SMARCA2: variants seen among roughly 807,000 people sequenced by gnomAD.
The protein encoded by SMARCA2 is SWI/SNF related BAF chromatin remodeling complex subunit ATPase 2, also known as SWI/SNF-related matrix-associated actin-dependent regulator of chromatin subfamily A member 2.
In SMARCA2, 61 loss-of-function variants were observed where a neutral mutation model predicts 199.8. The ratio of observed to expected loss-of-function variants is 0.31; its 90% CI spans 0.25 to 0.38. The LOEUF is 0.38. SMARCA2 is among the 10% of genes least tolerant of loss of function. SMARCA2 has a pLI of 1.00. For synonymous variants in SMARCA2, 935 were observed against 732.0 expected, an observed-to-expected ratio of 1.28 and a Z score of -4.48; for missense variants, 1,344 against 2,012.2, an observed-to-expected ratio of 0.67 and a Z score of 6.35.
chr9:2,167,917 A>AGT (rs1826015769), intron 28 of SMARCA2, among the ~76,000 whole-genome samples: 2 of 152,150 alleles, frequency 1.3e-5, no homozygotes, highest in Non-Finnish European at 1.5e-5. Flanking sequence ...AATTCAGGGA[A>AGT]GTAGGGGTCG....
At position 2,193,413 on chromosome 9, in the gene SMARCA2, A is replaced by G. The variant is rs954236950; in HGVS notation, c.*674A>G. ...AAAGCGCTATTGAATATTGCAATCT[A>G]TATAGTGTATTGGATGGCTTCTTTT... On this transcript the variant is annotated 3_prime_UTR_variant, in exon 34 of 34. Coordinates refer to ENST00000349721, the MANE Select transcript of SMARCA2 (RefSeq NM_003070.5). 1.3e-5 allele frequency: 2 copies of G among 152,648 alleles called. No individual in the cohort carries two copies. The highest frequency in any genetic ancestry group is 4.8e-5 in the African/African-American group (2 of 41,458). 9.5% of individuals were successfully genotyped at this position (152,648 alleles called of 1,614,324 possible).
At chr9:2,182,654 C>G (rs1166952548) in intron 31 of SMARCA2, among the ~76,000 whole-genome samples, 2 of 151,848 alleles carry the variant, frequency 1.3e-5, no homozygotes, top group African/African-American at 4.8e-5. Flanking sequence ...ACCACCATGC[C>G]TGGCTGATTT....
At chr9:2,076,417 C>A in intron 13 of SMARCA2, 88 bp downstream of exon 13, 1 of 820,816 alleles carries the variant, frequency 1.2e-6, no homozygotes, top group Non-Finnish European at 2.1e-6. Context: ...TCAAGGAAGG[C>A]AACTAACTTC....
At chr9:2,079,984 G>A (rs189167959) in intron 14 of SMARCA2, 2 of 152,336 alleles carry the variant, frequency 1.3e-5, no homozygotes, top group Non-Finnish European at 2.9e-5. Context: ...GCCTTGCAGT[G>A]TCTCTCTGGA....
chr9:2,193,388 A>G lies in SMARCA2; in HGVS notation c.*649A>G, dbSNP rs1308827687. 6.5e-6 allele frequency: 1 copy of G among 152,702 alleles called. No homozygotes were observed. The highest frequency in any genetic ancestry group is 1.5e-5 in the Non-Finnish European group (1 of 68,072). The allele number at this position is 152,702 out of a possible 1,614,324, so 9.5% of individuals were successfully genotyped here. A position where few individuals can be genotyped will look rare whatever the true frequency, so the allele number is the denominator to read the frequency against. On this transcript the variant is annotated 3_prime_UTR_variant, in exon 34 of 34. Transcript: ENST00000349721. Reference sequence around the variant, plus strand: ...CTTGATTTAAAAAAAAGTTTTGTTGAAAGCGCTATTGAATATTGCAATCTA... The same window carrying G: ...CTTGATTTAAAAAAAAGTTTTGTTGGAAGCGCTATTGAATATTGCAATCTA...
chr9:2,169,516 C>G lies in SMARCA2; in HGVS notation c.4200-903C>G, dbSNP rs1240926988. Among the ~76,000 whole-genome samples the G allele has an allele frequency of 6.6e-6, 1 of 152,182 alleles. No homozygotes were observed. Among genetic ancestry groups the G allele is most frequent in the Non-Finnish European group, 1.5e-5 (1 of 68,032 alleles). ...AGCGAGCACATGCGCTTCCACCCCT[C>G]TGTTGATTTGTTTATGGGTTTATGC... On this transcript the variant is annotated intron_variant, in intron 28 of 33. Coordinates refer to ENST00000349721, the MANE Select transcript of SMARCA2 (RefSeq NM_003070.5). The surrounding 1 kb of genome is among the most constrained non-coding windows in gnomAD (Gnocchi z 6.5).
At chr9:2,049,709 T>A (rs1820034479) in intron 5 of SMARCA2, among the ~76,000 whole-genome samples, 1 of 152,230 alleles carries the variant, frequency 6.6e-6, no homozygotes, top group South Asian at 2.1e-4. Context: ...CTCTTCTGCC[T>A]ATTTGAAGGT....
chr9:2,190,832 T>TTAAG (rs1827827694), intron 32 of SMARCA2, among the ~76,000 whole-genome samples: 1 of 152,256 alleles, frequency 6.6e-6, no homozygotes, highest in African/African-American at 2.4e-5. Flanking sequence ...AATTTTCTTT[T>TTAAG]TAAGTCAATG....
At chr9:2,134,597 G>A (rs576457851) in intron 27 of SMARCA2, among the ~76,000 whole-genome samples, 86 of 152,334 alleles carry the variant, frequency 5.6e-4, no homozygotes, top group Middle Eastern at 6.8e-3. Context: ...CCTGGAATGT[G>A]AGTTCTGACG....
intron 7 of SMARCA2, among the ~76,000 whole-genome samples, chr9:2,057,652 A>AT (rs1473789195): frequency 6.6e-6 from 1 of 152,216 alleles, no homozygotes; most frequent in Non-Finnish European, 1.5e-5. Context: ...TATTAAAAAC[A>AT]TTCCTTTCTG....
chr9:2,121,401 G>A (rs780448037), intron 26 of SMARCA2, among the ~76,000 whole-genome samples: 1 of 152,176 alleles, frequency 6.6e-6, no homozygotes, highest in Non-Finnish European at 1.5e-5. Context: ...CTATTTTGAG[G>A]ATTAGACAGA....
At position 2,169,192 on chromosome 9, in the gene SMARCA2, G is replaced by C. The variant is rs1035501636; in HGVS notation, c.4200-1227G>C. Reference sequence around the variant, plus strand: ...CTGCCTCCTCACCCCCTGTCTTCCTGAGGCCCTTGCACTGCTGGCCTGGCC... The same window carrying C: ...CTGCCTCCTCACCCCCTGTCTTCCTCAGGCCCTTGCACTGCTGGCCTGGCC... On this transcript the variant is annotated intron_variant, in intron 28 of 33. Coordinates refer to ENST00000349721, the MANE Select transcript of SMARCA2 (RefSeq NM_003070.5). This position sits in a 1 kb window ranked among gnomAD's most constrained non-coding sequence, Gnocchi z 6.5. 1.3e-5 allele frequency among the ~76,000 whole-genome samples: 2 copies of C among 152,148 alleles called. No homozygotes were observed. The highest frequency in any genetic ancestry group is 2.9e-5 in the Non-Finnish European group (2 of 68,026).
intron 27 of SMARCA2, among the ~76,000 whole-genome samples, chr9:2,142,035 G>A (rs1331668548): frequency 4.6e-5 from 7 of 152,098 alleles, no homozygotes; most frequent in Non-Finnish European, 1.5e-5. Context: ...CCCCTTAGTG[G>A]ACTTCCTTCT....
At chr9:2,173,960 C>T (rs1461797219) in intron 29 of SMARCA2, among the ~76,000 whole-genome samples, 21 of 152,172 alleles carry the variant, frequency 1.4e-4, no homozygotes, top group Admixed American at 1.4e-3. Flanking sequence ...ATTTTGCCCT[C>T]ATTACAAATA....
At chr9:2,182,295 T>TAAAA in intron 31 of SMARCA2, 53 bp downstream of exon 31, 1 of 1,041,444 alleles carries the variant, frequency 9.6e-7, no homozygotes, top group East Asian at 2.4e-5. Context: ...TGCCCGTTGT[T>TAAAA]CTTTTTAAGT....
intron 27 of SMARCA2, chr9:2,159,347 A>AC (rs1825546463): frequency 4.1e-6 from 1 of 243,984 alleles, no homozygotes; most frequent in Non-Finnish European, 7.9e-6. Context: ...AAAATATTTG[A>AC]ATCTTAGAAC....
chr9:2,138,254 G>A (rs1824303336), intron 27 of SMARCA2, among the ~76,000 whole-genome samples: 1 of 151,688 alleles, frequency 6.6e-6, no homozygotes, highest in African/African-American at 2.4e-5. Context: ...TTTTAGTTTT[G>A]TGTGTTTTCC....
chr9:2,130,908 T>A (rs1299914230), intron 27 of SMARCA2, among the ~76,000 whole-genome samples: 1 of 152,202 alleles, frequency 6.6e-6, no homozygotes, highest in Non-Finnish European at 1.5e-5. Context: ...CTGTGCTGTT[T>A]CTAGCACCGT....
chr9:2,147,475 G>C lies in SMARCA2; in HGVS notation c.3982-14211G>C, dbSNP rs949833120. Reference sequence around the variant, plus strand: ...TGTAAGGCTGAGATTGCCTCTTTGAGTAAACTGGCTAGAACACATAAATCA... The same window carrying C: ...TGTAAGGCTGAGATTGCCTCTTTGACTAAACTGGCTAGAACACATAAATCA... On this transcript the variant is annotated intron_variant, in intron 27 of 33. Coordinates refer to ENST00000349721, the MANE Select transcript of SMARCA2 (RefSeq NM_003070.5). Among the ~76,000 whole-genome samples, 4 of 152,190 alleles carry C rather than the reference G, an allele frequency of 2.6e-5. No individual in the cohort carries two copies. The East Asian group carries it at 7.7e-4, about 29-fold the overall frequency.
Sources: allele counts gnomAD v4.1 joint callset (sites outside exome capture counted in the v4.1 genomes callset), GRCh38; gene constraint gnomAD v4.1.1; non-coding constraint Gnocchi (gnomAD v3.1); transcripts MANE v1.5; gene names NCBI Gene and HGNC (gene_info 2026-07-23, HGNC 2026-07-21).